The following CNTN1 variants were observed in gnomAD, a reference collection of about 807,000 sequenced individuals.
CNTN1 encodes contactin-1.
CNTN1 carries 38 observed loss-of-function variants against 126.4 expected under a neutral mutation model. The observed-to-expected ratio is 0.30, with a 90% CI of 0.23 to 0.39. The LOEUF (loss-of-function observed/expected upper bound fraction) is 0.39. Ranked by LOEUF, CNTN1 falls within the 10% of genes least tolerant of loss-of-function variation. The probability of loss-of-function intolerance (pLI) is 1.00; values close to 1 mark genes in which losing one functional copy is unlikely to be tolerated. For missense variants in CNTN1, 1,009 were observed against 1,248.4 expected (o/e 0.81, Z 2.89); for synonymous variants, 413 against 422.6 (o/e 0.98, Z 0.28).
intron 16 of CNTN1, among the ~76,000 whole-genome samples, chr12:40,981,684 C>A (rs1456187373): frequency 6.6e-6 from 1 of 151,968 alleles, no homozygotes; most frequent in African/African-American, 2.4e-5. Flanking sequence ...TACAACTTTG[C>A]CATTTGTCAT....
chr12:40,935,472 T>C (rs1205821074), intron 9 of CNTN1, among the ~76,000 whole-genome samples: 1 of 152,084 alleles, frequency 6.6e-6, no homozygotes, highest in East Asian at 1.9e-4. Flanking sequence ...TGCAGCATAC[T>C]AAGTATTATC....
At chr12:40,778,874 CTGAG>C (rs1939689696) in intron 1 of CNTN1, among the ~76,000 whole-genome samples, 1 of 151,754 alleles carries the variant, frequency 6.6e-6, no homozygotes, top group African/African-American at 2.4e-5. Context: ...GATACAGTGA[CTGAG>C]TTAGTTGCCT....
At chr12:40,859,447 A>C (rs911001781) in intron 1 of CNTN1, among the ~76,000 whole-genome samples, 1 of 152,178 alleles carries the variant, frequency 6.6e-6, no homozygotes, top group Non-Finnish European at 1.5e-5. Flanking sequence ...AACCTATCTG[A>C]TCTTTTTATC....
chr12:41,007,671 A>G (rs1948536160), intron 17 of CNTN1, among the ~76,000 whole-genome samples: 1 of 152,178 alleles, frequency 6.6e-6, no homozygotes, highest in Non-Finnish European at 1.5e-5. Context: ...TGGTTTGATC[A>G]GGTATGACGT....
intron 1 of CNTN1, among the ~76,000 whole-genome samples, chr12:40,894,343 C>T (rs754212380): frequency 6.6e-6 from 1 of 152,032 alleles, no homozygotes; most frequent in Non-Finnish European, 1.5e-5. Context: ...TGTTAAAACC[C>T]ACAGCAGATA....
intron 5 of CNTN1, 62 bp downstream of exon 5, chr12:40,922,490 CA>C (rs1456355113): frequency 2.0e-6 from 3 of 1,484,702 alleles, no homozygotes; most frequent in Non-Finnish European, 2.8e-6. Context: ...GCAAGAAGAA[CA>C]ATCAGGAAAG....
intron 4 of CNTN1, among the ~76,000 whole-genome samples, chr12:40,921,765 C>A (rs896919542): frequency 5.9e-5 from 9 of 152,076 alleles, no homozygotes; most frequent in Admixed American, 6.6e-5. Context: ...CTCTAGTGGT[C>A]AGAATATGTC....
At chr12:40,692,760 G>T (rs1374156443) in intron 1 of CNTN1, among the ~76,000 whole-genome samples, 168 bp downstream of exon 1, 1 of 152,248 alleles carries the variant, frequency 6.6e-6, no homozygotes, top group Non-Finnish European at 1.5e-5. Flanking sequence ...GAGGTGGCTG[G>T]GGTGCGGGGA....
At chr12:40,909,931 G>A in intron 2 of CNTN1, 142 bp from the exon 3 acceptor site, 1 of 626,450 alleles carries the variant, frequency 1.6e-6, no homozygotes, top group South Asian at 1.9e-5. Flanking sequence ...TATCTGCACA[G>A]ATGTGAAGAT....
intron 15 of CNTN1, chr12:40,978,681 G>A (rs914948143): frequency 2.0e-5 from 3 of 152,064 alleles, no homozygotes; most frequent in African/African-American, 7.2e-5. Flanking sequence ...TGCATATAAT[G>A]TCTCAACAAA....
chr12:40,878,156 C>G (rs1943739504), intron 1 of CNTN1, among the ~76,000 whole-genome samples: 1 of 151,738 alleles, frequency 6.6e-6, no homozygotes, highest in Admixed American at 6.6e-5. Context: ...CACCACCAAG[C>G]CCGGCTAATG....
At chr12:41,009,583 C>T (rs1166870038) in intron 17 of CNTN1, among the ~76,000 whole-genome samples, 2 of 152,154 alleles carry the variant, frequency 1.3e-5, no homozygotes, top group African/African-American at 4.8e-5. Flanking sequence ...GTGACTATGG[C>T]CTCAGTGAGA....
intron 1 of CNTN1, among the ~76,000 whole-genome samples, chr12:40,713,413 G>T (rs1454618020): frequency 6.7e-6 from 1 of 150,314 alleles, no homozygotes; most frequent in Non-Finnish European, 1.5e-5. Context: ...ATTTTATCAT[G>T]GTTGTTATCA....
intron 1 of CNTN1, among the ~76,000 whole-genome samples, chr12:40,766,546 T>C (rs7298569): frequency 0.96 from 145,288 of 152,058 alleles, 69,728 homozygotes; most frequent in East Asian, 1. Context: ...TAGGTGTTAC[T>C]GGCCTTTAAA....
intron 1 of CNTN1, among the ~76,000 whole-genome samples, chr12:40,807,308 T>C (rs1940896071): frequency 6.6e-6 from 1 of 151,952 alleles, no homozygotes; most frequent in Non-Finnish European, 1.5e-5. Flanking sequence ...ATAATTATTA[T>C]TATTTTTATA....
In CNTN1 at chr12:40,735,507, G is replaced by A. The variant is rs564418510; in HGVS notation, c.-77+42915G>A. Among the ~76,000 whole-genome samples the A allele has an allele frequency of 1.8e-4, 28 of 152,202 alleles. No homozygotes were observed. In the South Asian group the frequency reaches 5.2e-3, roughly 28 times the overall value. The stretch of plus-strand genomic sequence containing the variant: ...AAAATTCTGATTTCATTTGTTTAGA[G>A]TGAAGCTCAAAGCATCAGTAATTTT... On this transcript the variant is annotated intron_variant, in intron 1 of 23. Coordinates refer to ENST00000551295, the MANE Select transcript of CNTN1 (RefSeq NM_001843.4).
At chr12:41,035,524 G>T (rs1041031718) in intron 23 of CNTN1, among the ~76,000 whole-genome samples, 4 of 152,052 alleles carry the variant, frequency 2.6e-5, no homozygotes, top group Admixed American at 1.3e-4. Flanking sequence ...CATTCTAATG[G>T]ATATCAGAAG....
chr12:40,696,247 T>A (rs542711843), intron 1 of CNTN1, among the ~76,000 whole-genome samples: 2 of 152,370 alleles, frequency 1.3e-5, no homozygotes, highest in East Asian at 3.9e-4. Context: ...CTGGCTTTTA[T>A]CAATGGAGAC....
chr12:40,887,125 G>T (rs1355876208), intron 1 of CNTN1, among the ~76,000 whole-genome samples: 2 of 151,970 alleles, frequency 1.3e-5, no homozygotes, highest in Non-Finnish European at 2.9e-5. Context: ...GTAGCTTGAT[G>T]GGGATGGCAT....
Sources: allele counts gnomAD v4.1 joint callset (sites outside exome capture counted in the v4.1 genomes callset), GRCh38; gene constraint gnomAD v4.1.1; transcripts MANE v1.5; gene names NCBI Gene and HGNC (gene_info 2026-07-23, HGNC 2026-07-21).